The following RAD51B variants were observed in gnomAD, a reference collection of about 807,000 sequenced individuals.
RAD51B encodes RAD51 paralog B.
A neutral mutation model predicts 42.2 loss-of-function variants in RAD51B; 38 were observed. The observed-to-expected ratio is 0.90, with a 90% CI of 0.70 to 1.18. The LOEUF (loss-of-function observed/expected upper bound fraction) is 1.18, where lower values mean the gene tolerates loss of function less well. Among genes scored for constraint, RAD51B ranks in the 50% most tolerant of loss-of-function variants. The pLI, the probability that RAD51B is intolerant of heterozygous loss-of-function variation, is 0.00. For missense variants in RAD51B, 373 were observed against 400.7 expected (o/e 0.93, Z 0.59); for synonymous variants, 154 against 145.2 (o/e 1.06, Z -0.43).
chr14:68,180,489 G>A (rs1327934051), intron 7 of RAD51B, among the ~76,000 whole-genome samples: 1 of 152,078 alleles, frequency 6.6e-6, no homozygotes, highest in Non-Finnish European at 1.5e-5. Context: ...CATGATTATC[G>A]TCATGCTGTT....
chr14:67,862,275 T>TA (rs2042188180), intron 4 of RAD51B, among the ~76,000 whole-genome samples: 1 of 152,078 alleles, frequency 6.6e-6, no homozygotes, highest in South Asian at 2.1e-4. Context: ...ATTTATCAAT[T>TA]AAAAATATTA....
At chr14:67,831,974 C>T (rs1031014759) in intron 3 of RAD51B, among the ~76,000 whole-genome samples, 20 of 152,220 alleles carry the variant, frequency 1.3e-4, no homozygotes, top group African/African-American at 4.1e-4. Flanking sequence ...CATGCATCCA[C>T]GTTGCCTGAT....
At chr14:68,475,320 T>C (rs143595438) in intron 10 of RAD51B, among the ~76,000 whole-genome samples, 104 of 152,326 alleles carry the variant, frequency 6.8e-4, no homozygotes, top group Non-Finnish European at 1.1e-3. Flanking sequence ...TTGCAGAGAT[T>C]AGGTGCAATA....
chr14:67,988,861 A>C (rs1464019780), intron 7 of RAD51B, among the ~76,000 whole-genome samples: 1 of 152,230 alleles, frequency 6.6e-6, no homozygotes, highest in Non-Finnish European at 1.5e-5. Flanking sequence ...TGTAAAATAT[A>C]GTTTGTAATG....
intron 7 of RAD51B, among the ~76,000 whole-genome samples, chr14:68,030,241 T>C (rs934207557): frequency 3.9e-5 from 6 of 152,242 alleles, no homozygotes; most frequent in Non-Finnish European, 7.3e-5. Context: ...TGTAGCTTTG[T>C]AGCCAGGCAC....
chr14:68,611,515 C>G lies in RAD51B; in HGVS notation c.*268C>G. The G allele has an allele frequency of 8.1e-6, 4 of 495,630 alleles. No homozygotes were observed. The South Asian group carries it at 9.0e-5, about 11-fold the overall frequency. The allele number at this position is 495,630 out of a possible 1,614,324, so 30.7% of individuals were successfully genotyped here. A position where few individuals can be genotyped will look rare whatever the true frequency, so the allele number is the denominator to read the frequency against. On this transcript the variant is annotated 3_prime_UTR_variant, in exon 11 of 11. Transcript: ENST00000487861. ...AGCTTCTGCCCTCCTTGCAGCATCT[C>G]TATTGTAAAAGGATTGCTGAAGCTT...
At chr14:67,923,393 G>A (rs536975528) in intron 7 of RAD51B, among the ~76,000 whole-genome samples, 32 of 147,426 alleles carry the variant, frequency 2.2e-4, no homozygotes, top group Non-Finnish European at 3.6e-4. Context: ...TCTGCCTCCC[G>A]GGTTCAAGGA....
chr14:67,865,646 C>T (rs1266113132), intron 5 of RAD51B, among the ~76,000 whole-genome samples: 1 of 146,162 alleles, frequency 6.8e-6, no homozygotes, highest in Non-Finnish European at 1.5e-5. Flanking sequence ...TCAAGCGATT[C>T]TCCTGTCTCA....
chr14:67,880,170 A>G lies in RAD51B; in HGVS notation c.453-5699A>G, dbSNP rs1304853470. Among the ~76,000 whole-genome samples the G allele has an allele frequency of 2.0e-5, 3 of 152,354 alleles. No individual in the cohort carries two copies. In the East Asian group the frequency reaches 5.8e-4, roughly 29 times the overall value. On this transcript the variant is annotated intron_variant, in intron 5 of 10. Coordinates refer to ENST00000471583, the MANE Select transcript of RAD51B (RefSeq NM_133510.4). Reference sequence around the variant, plus strand: ...TATTTAAGTATTGGGATGCAGTCAAACTCATGGTAGCAGATGTAAGTTTTT... The same window carrying G: ...TATTTAAGTATTGGGATGCAGTCAAGCTCATGGTAGCAGATGTAAGTTTTT...
intron 7 of RAD51B, among the ~76,000 whole-genome samples, chr14:67,894,692 G>A (rs1015825940): frequency 7.9e-5 from 12 of 152,300 alleles, no homozygotes; most frequent in South Asian, 2.1e-4. Context: ...ATTACACAGA[G>A]GGAATTAAAG....
At chr14:68,234,878 CTT>C (rs1175988066) in intron 7 of RAD51B, among the ~76,000 whole-genome samples, 1 of 152,060 alleles carries the variant, frequency 6.6e-6, no homozygotes, top group Non-Finnish European at 1.5e-5. Context: ...AACTGTTTGA[CTT>C]TATAAACTTT....
intron 8 of RAD51B, among the ~76,000 whole-genome samples, chr14:68,403,640 C>T (rs994165449): frequency 1.3e-5 from 2 of 152,138 alleles, no homozygotes; most frequent in African/African-American, 4.8e-5. Flanking sequence ...CAGCTCCTTG[C>T]CTTGTGAGAA....
At chr14:68,401,843 T>A (rs989569982) in intron 8 of RAD51B, among the ~76,000 whole-genome samples, 1 of 152,224 alleles carries the variant, frequency 6.6e-6, no homozygotes, top group African/African-American at 2.4e-5. Context: ...AGATTATAAA[T>A]AACAAAAGAT....
intron 8 of RAD51B, among the ~76,000 whole-genome samples, chr14:68,403,623 A>G (rs1040480966): frequency 6.6e-6 from 1 of 152,238 alleles, no homozygotes; most frequent in African/African-American, 2.4e-5. Flanking sequence ...TATACAGAGC[A>G]GAGAGACAGC....
At chr14:67,943,037 A>AC (rs1253464642) in intron 7 of RAD51B, among the ~76,000 whole-genome samples, 6 of 152,012 alleles carry the variant, frequency 3.9e-5, no homozygotes, top group African/African-American at 1.4e-4. Flanking sequence ...GCCAAGTGTG[A>AC]TAAATAAGAT....
chr14:68,602,530 A>C (rs532441231), intron 10 of RAD51B, among the ~76,000 whole-genome samples: 96 of 151,660 alleles, frequency 6.3e-4, no homozygotes, highest in Non-Finnish European at 1.2e-3. Flanking sequence ...AGCTAGATAG[A>C]TAGATAGATA....
intron 4 of RAD51B, among the ~76,000 whole-genome samples, chr14:67,850,341 C>G (rs1397960806): frequency 2.6e-5 from 4 of 152,028 alleles, no homozygotes; most frequent in African/African-American, 9.7e-5. Flanking sequence ...GGTTTTCTTT[C>G]CCTTTCTTTT....
At chr14:67,865,163 T>G in intron 5 of RAD51B, 24 bp downstream of exon 5, 1 of 1,577,282 alleles carries the variant, frequency 6.3e-7, no homozygotes, top group Admixed American at 1.8e-5. Flanking sequence ...TTTTCTATTA[T>G]AATGTTTTAC....
rs117726003 is a variant in RAD51B, at chr14:68,584,155, A to G, written c.1037-10330A>G. Among the ~76,000 whole-genome samples the G allele has an allele frequency of 1.4e-3, 218 of 152,134 alleles. 5 individuals are homozygous for G. The East Asian group carries it at 0.033, about 23-fold the overall frequency. On this transcript the variant is annotated intron_variant, in intron 10 of 10. Coordinates refer to the RAD51B transcript ENST00000487270. ...GGTGTCACCGTCTCATGCTCCTGACACAGTGAAGAGCTTGTTTTCCTCCTC... is the reference window on the plus strand; with the variant it reads ...GGTGTCACCGTCTCATGCTCCTGACGCAGTGAAGAGCTTGTTTTCCTCCTC...
Sources: allele counts gnomAD v4.1 joint callset (sites outside exome capture counted in the v4.1 genomes callset), GRCh38; gene constraint gnomAD v4.1.1; transcripts MANE v1.5; gene names NCBI Gene and HGNC (gene_info 2026-07-23, HGNC 2026-07-21).